Variants in CCDC88C observed in about 807,000 individuals in gnomAD.
CCDC88C encodes protein Daple.
In CCDC88C, 131 loss-of-function variants were observed where a neutral mutation model predicts 198.8. That is an observed-to-expected ratio of 0.66 (90% CI 0.57 to 0.76). CCDC88C has a LOEUF of 0.76. Among genes scored for constraint, CCDC88C ranks in the 30% least tolerant of loss-of-function variants. The pLI is 0.00. For missense variants in CCDC88C, 2,553 were observed against 2,631.6 expected, an observed-to-expected ratio of 0.97 and a Z score of 0.65; for synonymous variants, 1,166 against 1,114.7, an observed-to-expected ratio of 1.05 and a Z score of -0.92.
chr14:91,309,056 G>A (rs1285934500), intron 16 of CCDC88C, among the ~76,000 whole-genome samples: 1 of 152,068 alleles, frequency 6.6e-6, no homozygotes, highest in African/African-American at 2.4e-5. Context: ...GTGAAACCCC[G>A]TCTCTACTAA....
intron 3 of CCDC88C, among the ~76,000 whole-genome samples, chr14:91,377,283 CT>C (rs1037136182): frequency 7.2e-5 from 11 of 152,182 alleles, no homozygotes; most frequent in African/African-American, 2.7e-4. Flanking sequence ...TGAGCTTACT[CT>C]TCCACCGCGG....
chr14:91,350,163 C>CTTTTTTTTTTTTT (rs761445863), intron 4 of CCDC88C, among the ~76,000 whole-genome samples: 1 of 144,356 alleles, frequency 6.9e-6, no homozygotes. Flanking sequence ...TCAGAAGACA[C>CTTTTTTTTTTTTT]TTTTTTTTTT....
At chr14:91,334,111 T>C (rs1341574557) in intron 10 of CCDC88C, among the ~76,000 whole-genome samples, 1 of 152,264 alleles carries the variant, frequency 6.6e-6, no homozygotes, top group Non-Finnish European at 1.5e-5. Flanking sequence ...TTTTGCTGTA[T>C]GTGCTTTATC....
At chr14:91,370,004 A>G (rs539359144) in intron 3 of CCDC88C, among the ~76,000 whole-genome samples, 3 of 152,368 alleles carry the variant, frequency 2.0e-5, no homozygotes, top group Non-Finnish European at 2.9e-5. Context: ...AGAAACAAAC[A>G]TAAGTCGGTT....
intron 20 of CCDC88C, among the ~76,000 whole-genome samples, chr14:91,300,855 A>T (rs1891245225): frequency 6.6e-6 from 1 of 152,132 alleles, no homozygotes; most frequent in Admixed American, 6.5e-5. Context: ...GTGACCCAGG[A>T]TCTCCTAGCA....
At position 91,272,481 on chromosome 14, in the gene CCDC88C, A is replaced by C; in HGVS notation, c.*144T>G. ...GGGGCTTGGCACAGTGTTTCCATTCACAGAACAAACAGCAGAAATGCGTGG... is the reference window on the plus strand; with the variant it reads ...GGGGCTTGGCACAGTGTTTCCATTCCCAGAACAAACAGCAGAAATGCGTGG... On this transcript the variant is annotated 3_prime_UTR_variant, in exon 30 of 30. Coordinates refer to ENST00000389857, the MANE Select transcript of CCDC88C (RefSeq NM_001080414.4). The C allele has an allele frequency of 1.2e-6, 1 of 828,800 alleles. No homozygotes were observed. Among genetic ancestry groups the C allele is most frequent in the Non-Finnish European group, 1.9e-6 (1 of 533,592 alleles). The allele number at this position is 828,800 out of a possible 1,614,324, so 51.3% of individuals were successfully genotyped here.
At chr14:91,322,459 A>T (rs1336949782) in intron 12 of CCDC88C, among the ~76,000 whole-genome samples, 1 of 151,454 alleles carries the variant, frequency 6.6e-6, no homozygotes, top group African/African-American at 2.4e-5. Context: ...CCCAGCACTG[A>T]CACACACATA....
rs368077795 is a variant in CCDC88C, at chr14:91,277,968, G to A, written c.5012C>T (p.Thr1671Ile). 1 of 1,552,806 alleles carries A rather than the reference G, an allele frequency of 6.4e-7. No individual in the cohort carries two copies. The highest frequency in any genetic ancestry group is 8.7e-7 in the Non-Finnish European group (1 of 1,144,752). ...CSASPSSEMV[T>I]LEEFLEESNR... Reference sequence around the variant, plus strand: ...GCTCTCCTCCAGGAACTCCTCCAAGGTGACCATCTCACTGCTGGGGGAGGC... The same window carrying A: ...GCTCTCCTCCAGGAACTCCTCCAAGATGACCATCTCACTGCTGGGGGAGGC... The change falls in exon 29 of 30, where the codon ACC becomes ATC. Residue 1671 changes from threonine to isoleucine, a missense_variant. This residue lies in a region of CCDC88C where 1,293 missense variants were observed against 1,219.6 expected (regional missense o/e 1.06). Transcript: ENST00000389857.
intron 4 of CCDC88C, among the ~76,000 whole-genome samples, chr14:91,348,028 T>C (rs903473809): frequency 6.6e-6 from 1 of 152,160 alleles, no homozygotes; most frequent in Non-Finnish European, 1.5e-5. Flanking sequence ...GTTTTTGAGA[T>C]GGAGTCTCGC....
At position 91,289,211 on chromosome 14, in the gene CCDC88C, C is replaced by T. The variant is rs764766828; in HGVS notation, c.4335G>A (p.Pro1445=). 2.1e-5 allele frequency: 34 copies of T among 1,613,852 alleles called. No individual in the cohort carries two copies. The highest frequency in any genetic ancestry group is 1.0e-4 in the Admixed American group (6 of 60,008). The change falls in exon 25 of 30, where the codon CCG becomes CCA. Residue 1445 remains proline, a synonymous_variant. Transcript: ENST00000389857. ...GTGATCTGAGCGGCTGAGAGGCCGC[C>T]GGCGAGGCGGGGTCTGAGGACTCCA... ...WQLESSDPAS[P]AASQPLRSQA...
intron 3 of CCDC88C, among the ~76,000 whole-genome samples, chr14:91,405,241 C>T (rs919323953): frequency 6.6e-6 from 1 of 152,178 alleles, no homozygotes; most frequent in African/African-American, 2.4e-5. Context: ...ACTGTCACTG[C>T]TCCAGTGTGC....
chr14:91,312,387 CA>C (rs1410553071), intron 15 of CCDC88C, among the ~76,000 whole-genome samples: 3 of 150,930 alleles, frequency 2.0e-5, no homozygotes, highest in Non-Finnish European at 4.4e-5. Context: ...GATTCTGTCT[CA>C]AAAATAAGTA....
chr14:91,277,202 A>G (rs1890003154), intron 29 of CCDC88C, among the ~76,000 whole-genome samples: 1 of 151,972 alleles, frequency 6.6e-6, no homozygotes, highest in Non-Finnish European at 1.5e-5. Context: ...AGACGGGTGT[A>G]TTTTTTGTAG....
At chr14:91,281,096 G>A in intron 27 of CCDC88C, 1 of 471,544 alleles carries the variant, frequency 2.1e-6, no homozygotes, top group Non-Finnish European at 4.2e-6. Flanking sequence ...ACGCCTCAGA[G>A]CTACTATGGG....
At chr14:91,298,261 C>T (rs1280088119) in intron 21 of CCDC88C, among the ~76,000 whole-genome samples, 1 of 152,042 alleles carries the variant, frequency 6.6e-6, no homozygotes. Flanking sequence ...GTGAGACCCC[C>T]ATCTCTGCAA....
rs541130363 is a variant in CCDC88C, at chr14:91,342,527, C to G, written c.400-64G>C. The G allele has an allele frequency of 8.7e-6, 9 of 1,035,314 alleles. No homozygotes were observed. The East Asian group carries it at 2.3e-4, about 27-fold the overall frequency. The allele number at this position is 1,035,314 out of a possible 1,614,324, so 64.1% of individuals were successfully genotyped here. A position where few individuals can be genotyped will look rare whatever the true frequency, so the allele number is the denominator to read the frequency against. On this transcript the variant is annotated intron_variant, in intron 5 of 29. Transcript: ENST00000389857. ...AGTGAGGGTGAAGCTGAGTCCACCA[C>G]AGCCACAGAATGACAGTTTCAAAAG...
intron 3 of CCDC88C, among the ~76,000 whole-genome samples, chr14:91,374,814 C>T (rs546838745): frequency 6.6e-6 from 1 of 152,290 alleles, no homozygotes; most frequent in African/African-American, 2.4e-5. Flanking sequence ...AGCTTGGGTT[C>T]CAGGCACAGA....
Position 91,290,526 on chromosome 14 carries a change from A to G in CCDC88C, c.4202+469T>C, listed in dbSNP as rs550440670. Among the ~76,000 whole-genome samples the G allele has an allele frequency of 2.0e-5, 3 of 152,230 alleles. No individual in the cohort carries two copies. In the South Asian group the frequency reaches 6.2e-4, roughly 31 times the overall value. ...TGCTCTCTGGGGAAGAGACATGTCCATGAAGCCACCCTGAGGTTCTGTGAA... is the reference window on the plus strand; with the variant it reads ...TGCTCTCTGGGGAAGAGACATGTCCGTGAAGCCACCCTGAGGTTCTGTGAA... On this transcript the variant is annotated intron_variant, in intron 24 of 29. Coordinates refer to ENST00000389857, the MANE Select transcript of CCDC88C (RefSeq NM_001080414.4).
At chr14:91,331,459 C>T (rs1268453540) in intron 10 of CCDC88C, among the ~76,000 whole-genome samples, 1 of 152,230 alleles carries the variant, frequency 6.6e-6, no homozygotes, top group African/African-American at 2.4e-5. Context: ...GACCAGGCCA[C>T]AGCAGAGCTC....
Sources: gnomAD v4.1 joint callset for allele counts (sites outside exome capture counted in the v4.1 genomes callset) on GRCh38, gnomAD v4.1.1 for gene constraint, gnomAD v4.1.1 regional missense constraint, MANE v1.5 for transcripts, NCBI Gene and HGNC (gene_info 2026-07-23, HGNC 2026-07-21) for gene names.